Variants in ERC2 observed in about 807,000 individuals in gnomAD.
ERC2 encodes ELKS/RAB6-interacting/CAST family member 2.
A neutral mutation model predicts 114.8 loss-of-function variants in ERC2; 42 were observed. The ratio of observed to expected loss-of-function variants is 0.37; its 90% CI spans 0.29 to 0.47. The LOEUF is 0.47. ERC2 is among the 20% of genes least tolerant of loss of function. The pLI is 0.99. For synonymous variants in ERC2, 454 were observed against 425.5 expected, an observed-to-expected ratio of 1.07 and a Z score of -0.82; for missense variants, 939 against 1,150.7, an observed-to-expected ratio of 0.82 and a Z score of 2.66.
In ERC2 at chr3:55,586,229, G is replaced by C. The variant is rs112314814; in HGVS notation, c.*40-74953C>G. On this transcript the variant is annotated intron_variant, in intron 17 of 17. Transcript: ENST00000288221. ...GGTTGTATTTTCCCAAAGAGAGGTG[G>C]CCCTCGGACTGTGAGTCTTTGCCTT... is the stretch of plus-strand genomic sequence containing the variant. Among the ~76,000 whole-genome samples the C allele has an allele frequency of 1.4e-4, 21 of 152,268 alleles. 1 individual carries two copies. The highest frequency in any genetic ancestry group is 5.1e-4 in the African/African-American group (21 of 41,562).
intron 14 of ERC2, among the ~76,000 whole-genome samples, chr3:55,799,396 C>CAT (rs113060111): frequency 4.3e-4 from 42 of 98,200 alleles, no homozygotes; most frequent in Middle Eastern, 7.1e-3. Context: ...TATATATATG[C>CAT]ATATATATAT....
At chr3:56,232,954 C>T (rs971310685) in intron 3 of ERC2, among the ~76,000 whole-genome samples, 2 of 152,154 alleles carry the variant, frequency 1.3e-5, no homozygotes, top group Non-Finnish European at 2.9e-5. Flanking sequence ...ATCACTTCCT[C>T]GAAAAAACCC....
intron 3 of ERC2, among the ~76,000 whole-genome samples, chr3:56,175,529 G>T (rs1242492863): frequency 1.3e-5 from 2 of 152,158 alleles, no homozygotes; most frequent in African/African-American, 4.8e-5. Context: ...CCTAAAGGCA[G>T]CTGTCCTTTA....
intron 14 of ERC2, among the ~76,000 whole-genome samples, chr3:55,845,503 CAAAAAAAAAAA>C (rs764740068): frequency 1.6e-5 from 1 of 64,048 alleles, no homozygotes; most frequent in Non-Finnish European, 3.0e-5. Flanking sequence ...GACTCCGTCT[CAAAAAAAAAAA>C]AAAAAAAAAA....
chr3:56,404,219 A>G (rs1001254115), intron 2 of ERC2, among the ~76,000 whole-genome samples: 1 of 152,364 alleles, frequency 6.6e-6, no homozygotes, highest in African/African-American at 2.4e-5. Flanking sequence ...TGTTTTGTAA[A>G]TCAATTAATA....
Position 55,768,580 on chromosome 3 carries a change from C to T in ERC2, c.2565-33662G>A, listed in dbSNP as rs557990185. 2.5e-4 allele frequency among the ~76,000 whole-genome samples: 38 copies of T among 152,284 alleles called. No homozygotes were observed. The South Asian group carries it at 7.7e-3, about 31-fold the overall frequency. On this transcript the variant is annotated intron_variant, in intron 14 of 17. Coordinates refer to ENST00000288221, the MANE Select transcript of ERC2 (RefSeq NM_015576.3). ...GGGAGAGGGTATACTTTAGCTAGGCCTTCCTGTGAAGGAGATGTTTGAACT... is the reference window on the plus strand; with the variant it reads ...GGGAGAGGGTATACTTTAGCTAGGCTTTCCTGTGAAGGAGATGTTTGAACT...
In ERC2 at chr3:55,822,825, G is replaced by A. The variant is rs147120346; in HGVS notation, c.2564+65564C>T. 2.9e-3 allele frequency among the ~76,000 whole-genome samples: 448 copies of A among 152,172 alleles called. 3 individuals carry two copies. The highest frequency in any genetic ancestry group is 0.01 in the African/African-American group (426 of 41,524). On this transcript the variant is annotated intron_variant, in intron 14 of 17. Transcript: ENST00000288221. The stretch of plus-strand genomic sequence containing the variant: ...AGACGGGGTTTCACCGCGTTAGCCA[G>A]GATGGTCGCGATCTCCTGACCTCGT...
chr3:56,289,680 C>A (rs150440396), intron 3 of ERC2, among the ~76,000 whole-genome samples: 50 of 152,344 alleles, frequency 3.3e-4, no homozygotes, highest in Middle Eastern at 6.8e-3. Flanking sequence ...TTCCCACCAA[C>A]CCCATGTGCT....
intron 2 of ERC2, chr3:56,433,911 C>T (rs2061901969): frequency 5.8e-6 from 1 of 171,234 alleles, no homozygotes; most frequent in Non-Finnish European, 1.3e-5. Flanking sequence ...AATAATGGTG[C>T]TGGTGCTTCA....
At chr3:56,046,964 G>A (rs1267969154) in intron 7 of ERC2, among the ~76,000 whole-genome samples, 1 of 152,180 alleles carries the variant, frequency 6.6e-6, no homozygotes, top group African/African-American at 2.4e-5. Context: ...TTCCGCTAGT[G>A]GAAAGGAGTC....
At chr3:56,241,092 T>C (rs1168736547) in intron 3 of ERC2, among the ~76,000 whole-genome samples, 2 of 152,180 alleles carry the variant, frequency 1.3e-5, no homozygotes, top group Non-Finnish European at 2.9e-5. Context: ...ATTTTCTGTT[T>C]CTGAGTTACT....
intron 17 of ERC2, among the ~76,000 whole-genome samples, chr3:55,596,527 T>C (rs2058145680): frequency 6.6e-6 from 1 of 152,164 alleles, no homozygotes. Flanking sequence ...TACAGCGAGC[T>C]GTGATTATGC....
At chr3:56,398,604 T>C (rs529027728) in intron 2 of ERC2, among the ~76,000 whole-genome samples, 45 of 151,762 alleles carry the variant, frequency 3.0e-4, no homozygotes, top group African/African-American at 1.0e-3. Context: ...TATATACATA[T>C]ATGTGTTTGT....
intron 14 of ERC2, among the ~76,000 whole-genome samples, chr3:55,860,921 A>T (rs1211022568): frequency 6.6e-6 from 1 of 152,172 alleles, no homozygotes; most frequent in Non-Finnish European, 1.5e-5. Flanking sequence ...CCCTGGATAA[A>T]CGGGGGTAAA....
intron 2 of ERC2, among the ~76,000 whole-genome samples, chr3:56,311,448 G>A (rs1012088895): frequency 9.3e-5 from 14 of 150,946 alleles, no homozygotes; most frequent in East Asian, 2.0e-4. Context: ...ACAGGTGCCC[G>A]CCACCACGCC....
intron 4 of ERC2, among the ~76,000 whole-genome samples, chr3:56,161,352 C>G (rs1045573106): frequency 6.6e-6 from 1 of 152,134 alleles, no homozygotes; most frequent in East Asian, 1.9e-4. Flanking sequence ...AATGTGAGGA[C>G]AGCCTATTAC....
chr3:55,632,353 G>A (rs570154603), intron 17 of ERC2, among the ~76,000 whole-genome samples: 1 of 152,310 alleles, frequency 6.6e-6, no homozygotes, highest in South Asian at 2.1e-4. Flanking sequence ...AAGCAAGGAG[G>A]CCCAGGGTAC....
At chr3:56,153,863 G>C (rs1396419397) in intron 4 of ERC2, among the ~76,000 whole-genome samples, 1 of 152,106 alleles carries the variant, frequency 6.6e-6, no homozygotes, top group African/African-American at 2.4e-5. Flanking sequence ...CAAGAAAGAA[G>C]ACATAAGCAG....
chr3:55,970,913 A>G (rs1390113480), intron 12 of ERC2, among the ~76,000 whole-genome samples: 1 of 152,212 alleles, frequency 6.6e-6, no homozygotes, highest in Non-Finnish European at 1.5e-5. Context: ...TATTTTTCAT[A>G]TCAGCTAAAA....
Sources: allele counts gnomAD v4.1 joint callset (sites outside exome capture counted in the v4.1 genomes callset), GRCh38; gene constraint gnomAD v4.1.1; transcripts MANE v1.5; gene names NCBI Gene and HGNC (gene_info 2026-07-23, HGNC 2026-07-21).